Variants in ATXN7L1 observed in about 807,000 individuals in gnomAD.
ATXN7L1 encodes ataxin 7 like 1.
Under a neutral mutation model 70.8 loss-of-function variants are expected in ATXN7L1, and 15 were observed. The ratio of observed to expected loss-of-function variants is 0.21; its 90% CI spans 0.14 to 0.33. The LOEUF is 0.33. Ranked by LOEUF, ATXN7L1 falls within the 10% of genes least tolerant of loss-of-function variation. The pLI is 1.00. For synonymous variants in ATXN7L1, 440 were observed against 445.1 expected (o/e 0.99, Z 0.14); for missense variants, 975 against 1,097.1 (o/e 0.89, Z 1.57).
rs544239141 is a variant in ATXN7L1 at position 105,641,003 on chromosome 7, C to T, written c.863-1434G>A. Among the ~76,000 whole-genome samples, 13 of 152,254 alleles carry T rather than the reference C, an allele frequency of 8.5e-5. No homozygotes were observed. The South Asian group carries it at 1.9e-3, about 22-fold the overall frequency. ...TGTCTGAAATTGGTGGAGTAAACTCCGAGCATATAACAATGCTCAGATTAT... is the reference window on the plus strand; with the variant it reads ...TGTCTGAAATTGGTGGAGTAAACTCTGAGCATATAACAATGCTCAGATTAT... On this transcript the variant is annotated intron_variant, in intron 5 of 11. Coordinates refer to ENST00000419735, the MANE Select transcript of ATXN7L1 (RefSeq NM_020725.2).
At chr7:105,688,535 AC>A (rs1402847342) in intron 3 of ATXN7L1, among the ~76,000 whole-genome samples, 4 of 150,518 alleles carry the variant, frequency 2.7e-5, no homozygotes, top group Non-Finnish European at 5.9e-5. Context: ...ACAGAGCAAG[AC>A]CCTGTGTCAA....
In ATXN7L1 at chr7:105,869,167, C is replaced by A. The variant is rs147586248; in HGVS notation, c.250+6645G>T. ...TCTTTCCTCCCTACCACCTTTAAGC[C>A]GCTCCATCTCTCCCATCCTTCCATC... On this transcript the variant is annotated intron_variant, in intron 2 of 11. Transcript: ENST00000419735. Among the ~76,000 whole-genome samples the A allele has an allele frequency of 9.7e-3, 1,475 of 152,242 alleles. 7 individuals carry two copies. The highest frequency in any genetic ancestry group is 0.015 in the Non-Finnish European group (987 of 68,018).
intron 3 of ATXN7L1, chr7:105,760,565 T>C: frequency 1.0e-6 from 1 of 985,846 alleles, no homozygotes; most frequent in African/African-American, 1.7e-5. Flanking sequence ...TAACTGAGAC[T>C]ATGTTAGGCT....
At chr7:105,724,389 C>G (rs529995981) in intron 3 of ATXN7L1, among the ~76,000 whole-genome samples, 2 of 151,244 alleles carry the variant, frequency 1.3e-5, no homozygotes, top group South Asian at 2.1e-4. Flanking sequence ...GTCTGGCCAA[C>G]GTGGCAAAAC....
chr7:105,706,523 C>A (rs1000747903), intron 3 of ATXN7L1, among the ~76,000 whole-genome samples: 1 of 152,116 alleles, frequency 6.6e-6, no homozygotes, highest in African/African-American at 2.4e-5. Flanking sequence ...TGTTCTGCTC[C>A]TTTGCCTGTT....
intron 3 of ATXN7L1, among the ~76,000 whole-genome samples, chr7:105,722,559 T>TAAAAA: frequency 2.7e-5 from 1 of 36,972 alleles, no homozygotes; most frequent in Non-Finnish European, 4.1e-5. Context: ...AGACTCTGCC[T>TAAAAA]TAAAAAAAAA....
In ATXN7L1 at chr7:105,614,161, C is replaced by T. The variant is rs1185972171; in HGVS notation, c.2173G>A (p.Gly725Ser). 11 of 1,551,606 alleles carry T rather than the reference C, an allele frequency of 7.1e-6. No individual in the cohort carries two copies. Among genetic ancestry groups the T allele is most frequent in the African/African-American group, 2.7e-5 (2 of 73,164 alleles). The change falls in exon 10 of 12, where the codon GGC (glycine) becomes AGC (serine). Residue 725 changes from glycine (G) to serine (S), a missense_variant. Physicochemically the swap from Gly to Ser is moderately conservative, Grantham distance 56. This residue lies in a region of ATXN7L1 where 635 missense variants were observed against 699.4 expected (regional missense o/e 0.91). Coordinates refer to ENST00000419735, the MANE Select transcript of ATXN7L1 (RefSeq NM_020725.2). The surrounding 1 kb of genome is among the most constrained non-coding windows in gnomAD (Gnocchi z 4.3). ...EPSGRTSLPG[G>S]PADIVRQVGA... ...ACCTGTCTCACTATGTCCGCGGGGC[C>T]GCCGGGCAGCGAGGTCCGTCCTGAG...
intron 9 of ATXN7L1, chr7:105,617,746 G>A: frequency 2.8e-6 from 1 of 358,084 alleles, no homozygotes; most frequent in Non-Finnish European, 5.6e-6. Context: ...ATTACTGACA[G>A]TGCCCAACCT....
chr7:105,670,198 G>A (rs143100465), intron 3 of ATXN7L1, among the ~76,000 whole-genome samples: 3 of 152,308 alleles, frequency 2.0e-5, no homozygotes, highest in East Asian at 1.9e-4. Flanking sequence ...GCAAAAAGAC[G>A]CTGCTGTGCA....
intron 2 of ATXN7L1, among the ~76,000 whole-genome samples, chr7:105,789,464 T>G (rs1804810759): frequency 6.6e-6 from 1 of 152,074 alleles, no homozygotes; most frequent in African/African-American, 2.4e-5. Context: ...CCTGGGAGTG[T>G]GCGGCAGGTG....
At chr7:105,820,126 C>CAA (rs562797891) in intron 2 of ATXN7L1, 1,036 of 64,276 alleles carry the variant, frequency 0.016, 248 homozygotes, top group African/African-American at 0.069. Context: ...GTTTATTCCT[C>CAA]AAAAAAAAAA....
chr7:105,802,512 G>A (rs530788929), intron 2 of ATXN7L1, among the ~76,000 whole-genome samples: 1 of 152,148 alleles, frequency 6.6e-6, no homozygotes, highest in Non-Finnish European at 1.5e-5. Flanking sequence ...CAGCAGTCAG[G>A]TGAGTCAGGG....
intron 8 of ATXN7L1, among the ~76,000 whole-genome samples, chr7:105,622,648 T>C (rs182617099): frequency 6.6e-6 from 1 of 152,342 alleles, no homozygotes; most frequent in African/African-American, 2.4e-5. Context: ...GAATCATGGC[T>C]GGTTCCTCCT....
At chr7:105,685,056 A>G (rs1039467815) in intron 3 of ATXN7L1, among the ~76,000 whole-genome samples, 114 of 107,434 alleles carry the variant, frequency 1.1e-3, no homozygotes, top group South Asian at 1.5e-3. Context: ...TAATAATAAT[A>G]ATAATAATAA....
intron 2 of ATXN7L1, among the ~76,000 whole-genome samples, chr7:105,846,890 G>A (rs548821387): frequency 4.3e-4 from 66 of 152,296 alleles, no homozygotes; most frequent in Non-Finnish European, 6.8e-4. Flanking sequence ...CCATTTATAC[G>A]AAATGTTCAG....
intron 3 of ATXN7L1, among the ~76,000 whole-genome samples, chr7:105,733,649 T>TCCATCCATCCATCCAC (rs1796946060): frequency 1.1e-5 from 1 of 94,326 alleles, no homozygotes; most frequent in African/African-American, 4.4e-5. Flanking sequence ...CATCCATCCA[T>TCCATCCATCCATCCAC]CCATCCATCC....
At chr7:105,758,831 C>T (rs1456332584) in intron 3 of ATXN7L1, among the ~76,000 whole-genome samples, 1 of 152,190 alleles carries the variant, frequency 6.6e-6, no homozygotes, top group Admixed American at 6.5e-5. Flanking sequence ...CATAGGAAAC[C>T]ACTCTGCTGA....
chr7:105,729,308 T>A (rs1365726447), intron 3 of ATXN7L1, among the ~76,000 whole-genome samples: 1 of 54,256 alleles, frequency 1.8e-5, no homozygotes, highest in Non-Finnish European at 3.3e-5. Flanking sequence ...AATGAATAAA[T>A]AAATAAATAA....
At chr7:105,621,381 A>G (rs1168547699) in intron 8 of ATXN7L1, among the ~76,000 whole-genome samples, 2 of 152,128 alleles carry the variant, frequency 1.3e-5, no homozygotes, top group Non-Finnish European at 2.9e-5. Flanking sequence ...GACTTATGAC[A>G]TGGCTGTTTT....
Sources: gnomAD v4.1 joint callset for allele counts (sites outside exome capture counted in the v4.1 genomes callset) on GRCh38, gnomAD v4.1.1 for gene constraint, gnomAD v4.1.1 regional missense constraint, Gnocchi (gnomAD v3.1) non-coding constraint, MANE v1.5 for transcripts, NCBI Gene and HGNC (gene_info 2026-07-23, HGNC 2026-07-21) for gene names.